Variants in SLC67A2 observed in about 807,000 individuals in gnomAD.
SLC67A2 encodes solute carrier family 67 member 2.
chr2:102,732,553 T>C, the SLC67A2 span: 1 of 647,840 alleles, frequency 1.5e-6, no homozygotes, highest in Non-Finnish European at 2.6e-6. Flanking sequence ...TAGCATGCCA[T>C]ACAAATCCGC....
chr2:102,731,980 A>G, the SLC67A2 span: 2 of 388,736 alleles, frequency 5.1e-6, no homozygotes, highest in Non-Finnish European at 1.0e-5. Flanking sequence ...GGTCTCTCAC[A>G]TTAGGTTAAG....
chr2:102,718,523 G>T, the SLC67A2 span: 30 of 1,613,388 alleles, frequency 1.9e-5, no homozygotes, highest in Non-Finnish European at 2.5e-5. Flanking sequence ...CAGGCTGGGG[G>T]GGCCGCAAGG....
chr2:102,732,312 G>C, the SLC67A2 span: 82 of 1,607,018 alleles, frequency 5.1e-5, no homozygotes, highest in Non-Finnish European at 6.9e-5. Flanking sequence ...GAGCAATATC[G>C]ACCACTCACC....
the SLC67A2 span, chr2:102,736,851 A>T: frequency 6.4e-7 from 1 of 1,558,580 alleles, no homozygotes; most frequent in Non-Finnish European, 8.7e-7. Flanking sequence ...GCAGCCGCGG[A>T]CCTACCCCGG....
the SLC67A2 span, among the ~76,000 whole-genome samples, chr2:102,733,335 A>G: frequency 6.6e-6 from 1 of 152,232 alleles, no homozygotes; most frequent in Non-Finnish European, 1.5e-5. Flanking sequence ...TTAGTTGGAA[A>G]GAAAGAACTC....
chr2:102,735,613 G>A, the SLC67A2 span, among the ~76,000 whole-genome samples: 2 of 152,206 alleles, frequency 1.3e-5, no homozygotes, highest in Non-Finnish European at 2.9e-5. Context: ...CCTTGGAAAG[G>A]GAGGAGTGCA....
the SLC67A2 span, chr2:102,726,883 G>A: frequency 6.2e-7 from 1 of 1,612,296 alleles, no homozygotes; most frequent in African/African-American, 1.3e-5. Flanking sequence ...AAACACATTG[G>A]TGGCTGCTCC....
At chr2:102,722,882 T>G in the SLC67A2 span, among the ~76,000 whole-genome samples, 1 of 152,170 alleles carries the variant, frequency 6.6e-6, no homozygotes, top group African/African-American at 2.4e-5. Context: ...GGATACGATT[T>G]GCAAATCATA....
chr2:102,718,813 C>A, the SLC67A2 span: 1 of 1,613,714 alleles, frequency 6.2e-7, no homozygotes, highest in African/African-American at 1.3e-5. Context: ...GCTTGTACAG[C>A]CGTAGGATTG....
At chr2:102,728,030 T>C in the SLC67A2 span, among the ~76,000 whole-genome samples, 1 of 152,120 alleles carries the variant, frequency 6.6e-6, no homozygotes, top group Non-Finnish European at 1.5e-5. Flanking sequence ...AGCTCCCTTC[T>C]GAACACTCTA....
the SLC67A2 span, among the ~76,000 whole-genome samples, chr2:102,730,739 C>T: frequency 3.9e-5 from 6 of 151,910 alleles, no homozygotes; most frequent in South Asian, 4.1e-4. Flanking sequence ...TTAGTAGAGA[C>T]GGGGTTTCAC....
chr2:102,735,289 G>C, the SLC67A2 span, among the ~76,000 whole-genome samples: 1 of 152,228 alleles, frequency 6.6e-6, no homozygotes, highest in African/African-American at 2.4e-5. Flanking sequence ...CCTCCCTGAA[G>C]ACCTTGTGTT....
the SLC67A2 span, among the ~76,000 whole-genome samples, chr2:102,721,586 C>T: frequency 2.0e-5 from 3 of 152,152 alleles, no homozygotes; most frequent in African/African-American, 7.2e-5. Context: ...GCCAGCCATG[C>T]ACCACTCTCT....
the SLC67A2 span, among the ~76,000 whole-genome samples, chr2:102,719,618 A>C: frequency 6.6e-6 from 1 of 152,246 alleles, no homozygotes; most frequent in Admixed American, 6.5e-5. Context: ...CTAGACATCC[A>C]ATATTCATGG....
chr2:102,735,846 G>GCACA, the SLC67A2 span, among the ~76,000 whole-genome samples: 2,172 of 149,658 alleles, frequency 0.015, 40 homozygotes, highest in African/African-American at 0.039. Flanking sequence ...ACGCGCGCGC[G>GCACA]CACACACACA....
At chr2:102,736,845 C>G in the SLC67A2 span, 11 of 1,570,402 alleles carry the variant, frequency 7.0e-6, no homozygotes, top group Non-Finnish European at 9.5e-6. Context: ...GCAGCAGCAG[C>G]CGCGGACCTA....
chr2:102,735,846 G>GCGCGCACA, the SLC67A2 span, among the ~76,000 whole-genome samples: 10 of 149,594 alleles, frequency 6.7e-5, no homozygotes, highest in Admixed American at 2.7e-4. Context: ...ACGCGCGCGC[G>GCGCGCACA]CACACACACA....
the SLC67A2 span, among the ~76,000 whole-genome samples, chr2:102,733,896 T>C: frequency 1.3e-5 from 2 of 152,274 alleles, no homozygotes; most frequent in African/African-American, 4.8e-5. Context: ...TAACTGATGA[T>C]TGGTATTACT....
At chr2:102,726,047 G>A in the SLC67A2 span, among the ~76,000 whole-genome samples, 2 of 152,174 alleles carry the variant, frequency 1.3e-5, no homozygotes, top group African/African-American at 4.8e-5. Flanking sequence ...GCGCTACGCC[G>A]CATTCACAGG....
Sources: gnomAD v4.1 joint callset for allele counts (sites outside exome capture counted in the v4.1 genomes callset) on GRCh38, gnomAD v4.1.1 for gene constraint, MANE v1.5 for transcripts, NCBI Gene and HGNC (gene_info 2026-07-23, HGNC 2026-07-21) for gene names.